NELL2: variants seen among roughly 807,000 people sequenced by gnomAD.
The protein encoded by NELL2 is protein kinase C-binding protein NELL2.
Under a neutral mutation model 109.6 loss-of-function variants are expected in NELL2, and 41 were observed. The observed-to-expected ratio is 0.37, with a 90% CI of 0.29 to 0.49. The LOEUF (loss-of-function observed/expected upper bound fraction) is 0.49. Ranked by LOEUF, NELL2 falls within the 20% of genes least tolerant of loss-of-function variation. The pLI, the probability that NELL2 is intolerant of heterozygous loss-of-function variation, is 0.98. For missense variants in NELL2, 900 were observed against 1,008.3 expected, an observed-to-expected ratio of 0.89 and a Z score of 1.45; for synonymous variants, 355 against 344.7, an observed-to-expected ratio of 1.03 and a Z score of -0.33.
chr12:44,686,832 G>C (rs560032203), intron 12 of NELL2, among the ~76,000 whole-genome samples: 202 of 152,320 alleles, frequency 1.3e-3, no homozygotes, highest in Middle Eastern at 3.4e-3. Flanking sequence ...GTCAGAAGGG[G>C]ACATTTAAGT....
chr12:44,581,959 C>G (rs916989976), intron 15 of NELL2, among the ~76,000 whole-genome samples: 1 of 152,146 alleles, frequency 6.6e-6, no homozygotes, highest in Non-Finnish European at 1.5e-5. Context: ...TAAATAGACA[C>G]AATAGAATGC....
Position 44,522,091 on chromosome 12 carries a change from C to T in NELL2, c.2084G>A (p.Arg695Lys), listed in dbSNP as rs759181741. 2 of 1,614,038 alleles carry T rather than the reference C, an allele frequency of 1.2e-6. No homozygotes were observed. Among genetic ancestry groups the T allele is most frequent in the East Asian group, 2.2e-5 (1 of 44,882 alleles). The stretch of plus-strand genomic sequence containing the variant: ...TTGATGGAGGCACTGACTACTAAGC[C>T]TTGGGTCACATTCAGGGCAGCAAAA... ...DLFCCPECDP[R>K]LSSQCLHQNG... Residue 695 changes from arginine to lysine, a missense_variant, in exon 18 of 20, where the codon AGG becomes AAG. By Grantham distance (26) the Arg-to-Lys change is conservative. Transcript: ENST00000429094.
intron 12 of NELL2, among the ~76,000 whole-genome samples, chr12:44,688,719 TGTTAAATCTCCAA>T (rs1471980959): frequency 3.2e-4 from 48 of 152,228 alleles, no homozygotes; most frequent in Non-Finnish European, 6.2e-4. Flanking sequence ...TTCATCTGCG[TGTTAAATCTCCAA>T]ATTTGGCATT....
At chr12:44,529,001 T>C (rs1417981013) in intron 16 of NELL2, among the ~76,000 whole-genome samples, 1 of 152,120 alleles carries the variant, frequency 6.6e-6, no homozygotes, top group Non-Finnish European at 1.5e-5. Context: ...GGTTTGCATA[T>C]TGCTTTGAGA....
intron 9 of NELL2, among the ~76,000 whole-genome samples, chr12:44,733,295 G>A (rs950065058): frequency 6.6e-6 from 1 of 151,612 alleles, no homozygotes; most frequent in Non-Finnish European, 1.5e-5. Flanking sequence ...GCCAAGAGGT[G>A]GAAACAACCT....
At chr12:44,585,408 C>T (rs1230392722) in intron 15 of NELL2, among the ~76,000 whole-genome samples, 1 of 152,028 alleles carries the variant, frequency 6.6e-6, no homozygotes, top group Non-Finnish European at 1.5e-5. Flanking sequence ...TCGAGACCAC[C>T]CTGGCCAACA....
chr12:44,892,351 A>G (rs1339827824), intron 1 of NELL2, among the ~76,000 whole-genome samples: 1 of 152,198 alleles, frequency 6.6e-6, no homozygotes, highest in Admixed American at 6.5e-5. Flanking sequence ...CCATGCTACT[A>G]GCATCATGAT....
At chr12:44,603,041 G>T (rs867044164) in intron 15 of NELL2, among the ~76,000 whole-genome samples, 9 of 152,204 alleles carry the variant, frequency 5.9e-5, no homozygotes, top group Middle Eastern at 3.4e-3. Flanking sequence ...CAACACTCAT[G>T]TAGGCCTCAT....
intron 2 of NELL2, among the ~76,000 whole-genome samples, chr12:44,872,756 C>G (rs1259398374): frequency 6.6e-6 from 1 of 152,160 alleles, no homozygotes; most frequent in East Asian, 1.9e-4. Context: ...CATATGAAAC[C>G]TGAGAGCATC....
chr12:44,889,952 G>A (rs1945515113), intron 1 of NELL2, among the ~76,000 whole-genome samples: 1 of 152,178 alleles, frequency 6.6e-6, no homozygotes, highest in Non-Finnish European at 1.5e-5. Context: ...ACATGTAGTT[G>A]CTAGATGGAA....
At chr12:44,901,012 A>T (rs1292415470) in intron 1 of NELL2, among the ~76,000 whole-genome samples, 1 of 151,884 alleles carries the variant, frequency 6.6e-6, no homozygotes, top group Non-Finnish European at 1.5e-5. Flanking sequence ...AAACAAAACA[A>T]AACAAAACTA....
intron 3 of NELL2, among the ~76,000 whole-genome samples, chr12:44,810,823 C>G (rs1036469485): frequency 1.3e-5 from 2 of 152,046 alleles, no homozygotes; most frequent in African/African-American, 4.8e-5. Context: ...CATTTTGAAC[C>G]TTGGGATGTA....
intron 2 of NELL2, among the ~76,000 whole-genome samples, chr12:44,866,652 G>A (rs1274393146): frequency 6.6e-6 from 1 of 151,646 alleles, no homozygotes; most frequent in Non-Finnish European, 1.5e-5. Flanking sequence ...AAATGAGAGA[G>A]ACTAAAATTA....
intron 15 of NELL2, among the ~76,000 whole-genome samples, chr12:44,543,755 T>C (rs1165888995): frequency 6.6e-6 from 1 of 152,186 alleles, no homozygotes; most frequent in Non-Finnish European, 1.5e-5. Context: ...CTCTGGTTTC[T>C]CTACCAATTC....
At chr12:44,604,218 G>T (rs4641544) in intron 15 of NELL2, among the ~76,000 whole-genome samples, 73,165 of 151,234 alleles carry the variant, frequency 0.48, 18,700 homozygotes, top group African/African-American at 0.66. Context: ...GAGGAAGGCA[G>T]GACAGGAAAG....
intron 15 of NELL2, among the ~76,000 whole-genome samples, chr12:44,541,484 G>T (rs1942569598): frequency 6.6e-6 from 1 of 151,966 alleles, no homozygotes; most frequent in Non-Finnish European, 1.5e-5. Flanking sequence ...TCAAGTAGAA[G>T]TTGTCTCTCC....
At chr12:44,713,086 C>A (rs1483174972) in intron 10 of NELL2, among the ~76,000 whole-genome samples, 1 of 151,090 alleles carries the variant, frequency 6.6e-6, no homozygotes, top group South Asian at 2.1e-4. Flanking sequence ...TATATAATAG[C>A]AAATTTAAAA....
intron 13 of NELL2, among the ~76,000 whole-genome samples, chr12:44,662,969 A>G (rs1469583565): frequency 6.6e-6 from 1 of 152,192 alleles, no homozygotes; most frequent in Admixed American, 6.6e-5. Flanking sequence ...GTCTCCTACT[A>G]CAAGTATGTG....
At chr12:44,852,598 C>T (rs1300973858) in intron 2 of NELL2, among the ~76,000 whole-genome samples, 1 of 152,164 alleles carries the variant, frequency 6.6e-6, no homozygotes, top group African/African-American at 2.4e-5. Flanking sequence ...AGAAATAAGC[C>T]TGCAAGTTTC....
Sources: gnomAD v4.1 joint callset for allele counts (sites outside exome capture counted in the v4.1 genomes callset) on GRCh38, gnomAD v4.1.1 for gene constraint, MANE v1.5 for transcripts, NCBI Gene and HGNC (gene_info 2026-07-23, HGNC 2026-07-21) for gene names.